SP100: variants seen among roughly 807,000 people sequenced by gnomAD.
SP100 encodes SP100 nuclear body protein.
In SP100, 84 loss-of-function variants were observed where a neutral mutation model predicts 130.0. The ratio of observed to expected loss-of-function variants is 0.65; its 90% confidence interval spans 0.54 to 0.77. SP100 has a LOEUF of 0.77. Among genes scored for constraint, SP100 ranks in the 30% least tolerant of loss-of-function variants. The probability of loss-of-function intolerance (pLI) is 0.00; values close to 1 mark genes in which losing one functional copy is unlikely to be tolerated. For missense variants in SP100, 978 were observed against 1,052.2 expected, an observed-to-expected ratio of 0.93 and a Z score of 0.97; for synonymous variants, 331 against 351.7, an observed-to-expected ratio of 0.94 and a Z score of 0.66.
intron 15 of SP100, 176 bp downstream of exon 15, chr2:230,470,274 T>C: frequency 2.3e-6 from 3 of 1,330,904 alleles, no homozygotes; most frequent in Non-Finnish European, 2.9e-6. Context: ...TATGATAAAC[T>C]CATGTTTAAC....
intron 24 of SP100, among the ~76,000 whole-genome samples, chr2:230,534,025 G>A (rs771365853): frequency 6.6e-6 from 1 of 152,074 alleles, no homozygotes; most frequent in Non-Finnish European, 1.5e-5. Context: ...ACTACAGGGT[G>A]CAAAAAAAGG....
At position 230,461,259 on chromosome 2, in the gene SP100, T is replaced by A. The variant is rs1490116477; in HGVS notation, c.821-3T>A. On this transcript the variant is annotated splice_polypyrimidine_tract_variant and splice_region_variant and intron_variant, in intron 8 of 28. Coordinates refer to ENST00000340126, the MANE Select transcript of SP100 (RefSeq NM_001080391.2). Reference sequence around the variant, plus strand: ...ATGAAAATTCTTCATTTATTACAATTAGGCCCAGAGGCAGAGCTACACAAC... The same window carrying A: ...ATGAAAATTCTTCATTTATTACAATAAGGCCCAGAGGCAGAGCTACACAAC... 1.2e-6 allele frequency: 2 copies of A among 1,612,898 alleles called. No homozygotes were observed. The highest frequency in any genetic ancestry group is 1.3e-5 in the African/African-American group (1 of 74,730).
chr2:230,538,581 C>T (rs1407386193), intron 24 of SP100: 1 of 152,138 alleles, frequency 6.6e-6, no homozygotes, highest in African/African-American at 2.4e-5. Flanking sequence ...ATTTATGTGA[C>T]TTTAGTCTCT....
intron 8 of SP100, among the ~76,000 whole-genome samples, chr2:230,451,257 CA>C (rs1388958919): frequency 1.3e-5 from 2 of 152,216 alleles, no homozygotes; most frequent in African/African-American, 4.8e-5. Flanking sequence ...TTCCCACCAA[CA>C]GTGTACAAAG....
chr2:230,504,757 G>T (rs770632152), intron 21 of SP100, among the ~76,000 whole-genome samples: 2 of 152,100 alleles, frequency 1.3e-5, no homozygotes, highest in Non-Finnish European at 2.9e-5. Flanking sequence ...TATCATTTGC[G>T]CAAACAGTTT....
chr2:230,481,643 T>C (rs146718944), intron 17 of SP100, among the ~76,000 whole-genome samples: 3 of 152,344 alleles, frequency 2.0e-5, no homozygotes, highest in South Asian at 2.1e-4. Context: ...CCAACTGCTA[T>C]ATCCTTTCAG....
intron 17 of SP100, among the ~76,000 whole-genome samples, chr2:230,482,593 G>A (rs2065885334): frequency 6.6e-6 from 1 of 150,968 alleles, no homozygotes; most frequent in Non-Finnish European, 1.5e-5. Context: ...TTTTTAGTGT[G>A]GCATAATGTA....
At chr2:230,494,194 A>G (rs2066538255) in intron 17 of SP100, among the ~76,000 whole-genome samples, 1 of 152,034 alleles carries the variant, frequency 6.6e-6, no homozygotes, top group Non-Finnish European at 1.5e-5. Flanking sequence ...ATGGATATGT[A>G]CAAGCATAGT....
intron 2 of SP100, among the ~76,000 whole-genome samples, chr2:230,425,452 GT>G: frequency 6.7e-6 from 1 of 149,370 alleles, no homozygotes; most frequent in Non-Finnish European, 1.5e-5. Context: ...TTTGTTAAAT[GT>G]TTTTTATCAT....
chr2:230,489,202 T>C (rs1260997135), intron 17 of SP100, among the ~76,000 whole-genome samples: 1 of 152,196 alleles, frequency 6.6e-6, no homozygotes, highest in Non-Finnish European at 1.5e-5. Flanking sequence ...TTTCAGAACT[T>C]GTTATTGGTT....
At chr2:230,464,204 C>T in intron 11 of SP100, 54 bp downstream of exon 11, 1 of 1,089,468 alleles carries the variant, frequency 9.2e-7, no homozygotes, top group Non-Finnish European at 1.4e-6. Context: ...AGTACAAATC[C>T]AGAGCTCTGT....
chr2:230,482,059 C>T (rs979548097), intron 17 of SP100, among the ~76,000 whole-genome samples: 1 of 152,124 alleles, frequency 6.6e-6, no homozygotes, highest in Admixed American at 6.6e-5. Context: ...TTCTTAAAAA[C>T]TCCCCCAGCC....
rs1251820849 is a variant in SP100 at position 230,544,603 on chromosome 2, T to A, written c.*1657T>A. Among the ~76,000 whole-genome samples, 2 of 152,276 alleles carry A rather than the reference T, an allele frequency of 1.3e-5. No homozygotes were observed. The highest frequency in any genetic ancestry group is 4.8e-5 in the African/African-American group (2 of 41,560). On this transcript the variant is annotated 3_prime_UTR_variant, in exon 29 of 29. Transcript: ENST00000340126. ...CCCGGGTTCAAGCAATTCTCCTGCC[T>A]CAGCCTCCCAGGTGGCTGGGATTAC... is the stretch of plus-strand genomic sequence containing the variant.
At chr2:230,458,399 G>C (rs768254423) in intron 8 of SP100, among the ~76,000 whole-genome samples, 2 of 152,222 alleles carry the variant, frequency 1.3e-5, no homozygotes, top group Admixed American at 6.5e-5. Flanking sequence ...GAAGGAGGAA[G>C]GAGAGGAGGG....
At chr2:230,491,507 C>T (rs768533855) in intron 17 of SP100, among the ~76,000 whole-genome samples, 16 of 152,206 alleles carry the variant, frequency 1.1e-4, no homozygotes, top group Admixed American at 1.0e-3. Context: ...AGCCATCCAG[C>T]CTCCCTGGCT....
chr2:230,483,922 T>C (rs1292124795), intron 17 of SP100, among the ~76,000 whole-genome samples: 1 of 152,228 alleles, frequency 6.6e-6, no homozygotes, highest in Non-Finnish European at 1.5e-5. Context: ...TTTATATGTG[T>C]TTCTGTATAA....
chr2:230,528,965 C>A (rs1691566226), intron 24 of SP100, among the ~76,000 whole-genome samples: 1 of 152,162 alleles, frequency 6.6e-6, no homozygotes, highest in African/African-American at 2.4e-5. Context: ...AGTCCAGGAC[C>A]AGACAGATTC....
At chr2:230,432,664 G>T (rs766139419) in intron 2 of SP100, among the ~76,000 whole-genome samples, 1 of 151,928 alleles carries the variant, frequency 6.6e-6, no homozygotes, top group Non-Finnish European at 1.5e-5. Flanking sequence ...AGAAATATCT[G>T]TTCAAATCAT....
rs773363182 is a variant in SP100, at chr2:230,467,167, C to A, written c.1243C>A (p.Pro415Thr). 1.2e-5 allele frequency: 19 copies of A among 1,613,802 alleles called. No individual in the cohort carries two copies. Among genetic ancestry groups the A allele is most frequent in the Non-Finnish European group, 5.1e-6 (6 of 1,179,856 alleles). ...TTCAGAATCCAGTGAGGAGGAGGCG[C>A]CCGCAGAAGCCTCGAGCGGGGCACT... ...DFSESSEEEA[P>T]AEASSGALRS... The change falls in exon 13 of 29, where the codon CCC becomes ACC. Residue 415 changes from proline to threonine, a missense_variant. Pro to Thr is a conservative substitution (Grantham distance 38). Transcript: ENST00000340126.
Sources: allele counts gnomAD v4.1 joint callset (sites outside exome capture counted in the v4.1 genomes callset), GRCh38; gene constraint gnomAD v4.1.1; transcripts MANE v1.5; gene names NCBI Gene and HGNC (gene_info 2026-07-23, HGNC 2026-07-21).